The following THSD4 variants were observed in gnomAD, a reference collection of about 807,000 sequenced individuals.
The protein encoded by THSD4 is thrombospondin type 1 domain containing 4.
Under a neutral mutation model 119.0 loss-of-function variants are expected in THSD4, and 69 were observed. The ratio of observed to expected loss-of-function variants is 0.58; its 90% CI spans 0.48 to 0.71. The LOEUF is 0.71. Ranked by LOEUF, THSD4 falls within the 30% of genes least tolerant of loss-of-function variation. The pLI is 0.00. For missense variants in THSD4, 1,393 were observed against 1,391.1 expected (o/e 1.00, Z -0.02); for synonymous variants, 524 against 540.4 (o/e 0.97, Z 0.42).
At chr15:71,649,762 T>C (rs1224012663) in intron 7 of THSD4, among the ~76,000 whole-genome samples, 1 of 152,230 alleles carries the variant, frequency 6.6e-6, no homozygotes, top group Non-Finnish European at 1.5e-5. Context: ...CTTTAATCCA[T>C]CTTGAGTTGA....
At chr15:71,619,130 C>T (rs987953871) in intron 7 of THSD4, among the ~76,000 whole-genome samples, 21 of 151,774 alleles carry the variant, frequency 1.4e-4, no homozygotes, top group Middle Eastern at 6.8e-3. Flanking sequence ...CCACCACGCC[C>T]GGCTAATTTT....
At chr15:71,699,612 A>G (rs1351243042) in intron 8 of THSD4, among the ~76,000 whole-genome samples, 2 of 152,184 alleles carry the variant, frequency 1.3e-5, no homozygotes, top group Non-Finnish European at 1.5e-5. Context: ...TTTCTATACC[A>G]TACTTTCATC....
chr15:71,685,884 A>G (rs2051898157), intron 8 of THSD4, among the ~76,000 whole-genome samples: 1 of 152,206 alleles, frequency 6.6e-6, no homozygotes, highest in Non-Finnish European at 1.5e-5. Flanking sequence ...TTTAATCTCA[A>G]AGATCCCCTG....
intron 7 of THSD4, among the ~76,000 whole-genome samples, chr15:71,515,782 G>A (rs1249934052): frequency 6.6e-6 from 1 of 152,278 alleles, no homozygotes; most frequent in African/African-American, 2.4e-5. Context: ...AGGTTGCCTC[G>A]GGTTTCACGG....
intron 6 of THSD4, among the ~76,000 whole-genome samples, chr15:71,289,710 C>G (rs943212264): frequency 6.6e-6 from 1 of 152,150 alleles, no homozygotes; most frequent in Non-Finnish European, 1.5e-5. Context: ...AATCATAACG[C>G]GTAGAGCCCT....
At chr15:71,560,915 C>T (rs2049102454) in intron 7 of THSD4, among the ~76,000 whole-genome samples, 1 of 151,226 alleles carries the variant, frequency 6.6e-6, no homozygotes, top group African/African-American at 2.4e-5. Context: ...GCTTGACTCT[C>T]TGGTTCTTGC....
intron 6 of THSD4, among the ~76,000 whole-genome samples, chr15:71,336,304 C>CT (rs946426925): frequency 6.6e-6 from 1 of 152,172 alleles, no homozygotes; most frequent in African/African-American, 2.4e-5. Context: ...CATTAATACC[C>CT]TTTATTATGA....
intron 7 of THSD4, among the ~76,000 whole-genome samples, chr15:71,482,286 G>A (rs1269610981): frequency 8.4e-6 from 1 of 119,740 alleles, no homozygotes; most frequent in African/African-American, 3.0e-5. Flanking sequence ...GGAAAGGACT[G>A]TACTGTAACT....
intron 5 of THSD4, among the ~76,000 whole-genome samples, chr15:71,248,286 C>T (rs564390688): frequency 1.4e-4 from 21 of 152,206 alleles, no homozygotes; most frequent in Admixed American, 6.5e-4. Flanking sequence ...GTCTCTAAAA[C>T]AACAACAACA....
At chr15:71,746,720 A>G (rs1173972156) in intron 12 of THSD4, 118 bp from the exon 13 acceptor site, 3 of 1,107,090 alleles carry the variant, frequency 2.7e-6, no homozygotes, top group African/African-American at 3.0e-5. Context: ...GCAATGCTCT[A>G]GTAAGAAACT....
chr15:71,199,836 G>GC (rs1422358980), intron 3 of THSD4, among the ~76,000 whole-genome samples: 1 of 147,848 alleles, frequency 6.8e-6, no homozygotes, highest in African/African-American at 2.6e-5. Context: ...GGGTGTGTGT[G>GC]TGTGTGCTGT....
At chr15:71,189,861 C>A (rs936876227) in intron 3 of THSD4, among the ~76,000 whole-genome samples, 2 of 152,116 alleles carry the variant, frequency 1.3e-5, no homozygotes, top group African/African-American at 4.8e-5. Flanking sequence ...ATGCAGGAGG[C>A]CTCTGGTGGG....
chr15:71,150,213 G>C (rs2040707253), intron 2 of THSD4, among the ~76,000 whole-genome samples: 2 of 152,226 alleles, frequency 1.3e-5, no homozygotes, highest in Admixed American at 1.3e-4. Flanking sequence ...TGCACACACA[G>C]AGACACATGC....
chr15:71,242,826 A>C lies in THSD4; in HGVS notation c.642A>C (p.Pro214=). 6.2e-7 allele frequency: 1 copy of C among 1,614,206 alleles called. No homozygotes were observed. The highest frequency in any genetic ancestry group is 8.5e-7 in the Non-Finnish European group (1 of 1,180,030). ...ASSARHGYSS[P]AHQVPQHGPL... ...CTGCTAGGCATGGCTACAGTTCACC[A>C]GCCCACCAGGTCCCCCAACATGGGC... The change falls in exon 5 of 18, where the codon CCA becomes CCC. Residue 214 remains proline, a synonymous_variant. Transcript: ENST00000261862.
At chr15:71,752,021 A>T (rs909701577) in intron 14 of THSD4, among the ~76,000 whole-genome samples, 2 of 152,166 alleles carry the variant, frequency 1.3e-5, no homozygotes, top group African/African-American at 4.8e-5. Flanking sequence ...CTCCAGAAAG[A>T]TTATTTCGGT....
At chr15:71,678,289 T>C (rs926073455) in intron 8 of THSD4, among the ~76,000 whole-genome samples, 1 of 152,222 alleles carries the variant, frequency 6.6e-6, no homozygotes, top group Non-Finnish European at 1.5e-5. Context: ...TTAATAAATA[T>C]AGTTGACTTA....
intron 6 of THSD4, among the ~76,000 whole-genome samples, chr15:71,394,242 ACT>A (rs929507646): frequency 1.0e-4 from 15 of 145,614 alleles, no homozygotes; most frequent in Admixed American, 8.3e-4. Flanking sequence ...GCTGTCATAC[ACT>A]CTGTTGTCCA....
At chr15:71,724,577 G>A (rs528204868) in intron 8 of THSD4, among the ~76,000 whole-genome samples, 1 of 28,218 alleles carries the variant, frequency 3.5e-5, no homozygotes, top group African/African-American at 4.2e-5. Context: ...GAGGCACTAC[G>A]CCCAGTCTTT....
intron 3 of THSD4, among the ~76,000 whole-genome samples, chr15:71,187,783 G>A (rs2043625517): frequency 6.6e-6 from 1 of 152,238 alleles, no homozygotes; most frequent in South Asian, 2.1e-4. Flanking sequence ...ACTGTGAGCT[G>A]TTATTCTAGC....
Sources: allele counts gnomAD v4.1 joint callset (sites outside exome capture counted in the v4.1 genomes callset), GRCh38; gene constraint gnomAD v4.1.1; transcripts MANE v1.5; gene names NCBI Gene and HGNC (gene_info 2026-07-23, HGNC 2026-07-21).